The following UBAC2 variants were observed in gnomAD, a reference collection of about 807,000 sequenced individuals.
UBAC2 encodes the protein ubiquitin-associated domain-containing protein 2.
In UBAC2, 26 loss-of-function variants were observed where a neutral mutation model predicts 44.0. The ratio of observed to expected loss-of-function variants is 0.59; its 90% CI spans 0.43 to 0.82. UBAC2 has a LOEUF of 0.82. Ranked by LOEUF, UBAC2 falls within the 40% of genes least tolerant of loss-of-function variation. The probability of loss-of-function intolerance (pLI) is 0.00; values close to 1 mark genes in which losing one functional copy is unlikely to be tolerated. For missense variants in UBAC2, 329 were observed against 419.4 expected (o/e 0.78, Z 1.88); for synonymous variants, 155 against 154.3 (o/e 1.00, Z -0.04).
rs2044459052 is a variant in UBAC2, at chr13:99,314,355, C to G, written c.513+135C>G. ...ATAATCTTGGCTTCATGATCTATAT[C>G]AAATGTTTAAAGGAAGTGTTACAGA... On this transcript the variant is annotated intron_variant, in intron 5 of 8. Transcript: ENST00000403766. 6 of 1,029,820 alleles carry G rather than the reference C, an allele frequency of 5.8e-6. No individual in the cohort carries two copies. In the South Asian group the frequency reaches 1.2e-4, roughly 20 times the overall value. The allele number at this position is 1,029,820 out of a possible 1,614,324, so 63.8% of individuals were successfully genotyped here.
chr13:99,374,248 G>C (rs1340421784), intron 8 of UBAC2, among the ~76,000 whole-genome samples: 1 of 152,134 alleles, frequency 6.6e-6, no homozygotes, highest in Non-Finnish European at 1.5e-5. Context: ...AAGCAGAGGG[G>C]AGTTCCTTAT....
intron 1 of UBAC2, among the ~76,000 whole-genome samples, chr13:99,212,129 T>G (rs947016619): frequency 2.0e-5 from 3 of 152,242 alleles, no homozygotes; most frequent in African/African-American, 7.2e-5. Context: ...TTTTCCGTTC[T>G]CAACCTGTCT....
At chr13:99,337,437 A>AT (rs1318305245) in intron 6 of UBAC2, among the ~76,000 whole-genome samples, 4 of 151,180 alleles carry the variant, frequency 2.6e-5, no homozygotes, top group African/African-American at 9.7e-5. Flanking sequence ...CTAACAGTTT[A>AT]TTTTTTCTTT....
rs143074994 is a variant in UBAC2, at chr13:99,255,096, C to G, written c.389+10472C>G. 3,366 of 1,614,126 alleles carry G rather than the reference C, an allele frequency of 2.1e-3. 45 individuals carry two copies. The highest frequency in any genetic ancestry group is 0.019 in the South Asian group (1,702 of 91,080). On this transcript the variant is annotated intron_variant, in intron 4 of 8. Transcript: ENST00000403766. ...CCCAGGGATTGTAACTGTTCTCCCC[C>G]GTTCCCAGCATCAGGAAAGCGAAAC...
At chr13:99,250,071 C>T (rs1253889775) in intron 4 of UBAC2, among the ~76,000 whole-genome samples, 2 of 152,110 alleles carry the variant, frequency 1.3e-5, no homozygotes, top group African/African-American at 2.4e-5. Context: ...TTAAATGGGT[C>T]CCATTTGTCA....
intron 6 of UBAC2, among the ~76,000 whole-genome samples, chr13:99,326,337 T>G (rs2138795583): frequency 6.6e-6 from 1 of 152,328 alleles, no homozygotes; most frequent in East Asian, 1.9e-4. Context: ...TTTGTATGTC[T>G]TCTTTGGAGA....
intron 4 of UBAC2, among the ~76,000 whole-genome samples, chr13:99,276,994 A>G (rs2138676418): frequency 6.6e-6 from 1 of 152,274 alleles, no homozygotes; most frequent in Middle Eastern, 3.4e-3. Flanking sequence ...TCAAATGTTA[A>G]TCAGGTTGCC....
intron 6 of UBAC2, among the ~76,000 whole-genome samples, chr13:99,333,097 G>GA (rs1409203361): frequency 3.5e-5 from 3 of 86,644 alleles, no homozygotes; most frequent in South Asian, 2.8e-4. Context: ...CCCCGTCTCT[G>GA]GGGGGGGAAG....
intron 2 of UBAC2, among the ~76,000 whole-genome samples, chr13:99,239,182 T>C (rs1393359814): frequency 6.6e-6 from 1 of 152,254 alleles, no homozygotes; most frequent in Admixed American, 6.5e-5. Flanking sequence ...AATCCATTTC[T>C]TGAACACTGA....
intron 4 of UBAC2, among the ~76,000 whole-genome samples, chr13:99,278,875 C>T (rs996416255): frequency 1.3e-5 from 2 of 152,124 alleles, no homozygotes; most frequent in African/African-American, 2.4e-5. Flanking sequence ...AACCGCCATG[C>T]CTCCAAGTCA....
intron 6 of UBAC2, among the ~76,000 whole-genome samples, chr13:99,337,742 A>G (rs1594141130): frequency 6.6e-6 from 1 of 151,750 alleles, no homozygotes; most frequent in South Asian, 2.1e-4. Context: ...CCCAACCCAC[A>G]TGGACCCTCC....
At chr13:99,216,082 T>TTG (rs3031384) in intron 1 of UBAC2, among the ~76,000 whole-genome samples, 54,332 of 148,484 alleles carry the variant, frequency 0.37, 9,895 homozygotes, top group Middle Eastern at 0.55. Context: ...CAACCTATAT[T>TTG]TGTGTGTGTG....
At chr13:99,296,568 T>C (rs2044177124) in intron 4 of UBAC2, among the ~76,000 whole-genome samples, 1 of 152,228 alleles carries the variant, frequency 6.6e-6, no homozygotes, top group South Asian at 2.1e-4. Context: ...CATTAAGCTT[T>C]GCTTTTAAAT....
intron 8 of UBAC2, among the ~76,000 whole-genome samples, chr13:99,375,828 T>G (rs577065639): frequency 7.7e-6 from 1 of 129,824 alleles, no homozygotes. Flanking sequence ...TTTTGAGACA[T>G]GGTCTTGCTC....
intron 1 of UBAC2, among the ~76,000 whole-genome samples, chr13:99,222,914 G>T (rs531324711): frequency 6.6e-6 from 1 of 152,298 alleles, no homozygotes; most frequent in Non-Finnish European, 1.5e-5. Flanking sequence ...AACAGAGTTT[G>T]TATAGAATTG....
At chr13:99,262,561 G>A (rs2043679221) in intron 4 of UBAC2, among the ~76,000 whole-genome samples, 1 of 151,904 alleles carries the variant, frequency 6.6e-6, no homozygotes, top group African/African-American at 2.4e-5. Context: ...AAATTAGCTG[G>A]GCATGGTGGT....
At chr13:99,288,139 A>G (rs2044044223) in intron 4 of UBAC2, among the ~76,000 whole-genome samples, 2 of 152,220 alleles carry the variant, frequency 1.3e-5, no homozygotes, top group Admixed American at 6.5e-5. Context: ...TGTAGCCTCC[A>G]TGTAGTTTCA....
Position 99,340,372 on chromosome 13 carries a change from G to A in UBAC2, c.614G>A (p.Cys205Tyr), listed in dbSNP as rs373767362. 2.5e-6 allele frequency: 4 copies of A among 1,614,084 alleles called. No homozygotes were observed. The African/African-American group carries it at 4.0e-5, about 16-fold the overall frequency. ...ATGTTCCAGGTGCATCAGGTGCTCT[G>A]CATCCCCAGCTGGATGGCAAAATTC... Reference protein sequence around the residue: ...SKMFQVHQVLCIPSWMAKFFS... With the variant: ...SKMFQVHQVLYIPSWMAKFFS... Residue 205 changes from cysteine to tyrosine, a missense_variant, in exon 7 of 9, where the codon TGC (cysteine) becomes TAC (tyrosine). Cys to Tyr is a radical substitution (Grantham distance 194, BLOSUM62 -2). Coordinates refer to ENST00000403766, the MANE Select transcript of UBAC2 (RefSeq NM_001144072.2).
chr13:99,293,499 A>AAGT (rs1392801556), intron 4 of UBAC2, among the ~76,000 whole-genome samples: 1 of 152,178 alleles, frequency 6.6e-6, no homozygotes, highest in African/African-American at 2.4e-5. Context: ...ATGACTACCT[A>AAGT]AGTGCCAACT....
Sources: gnomAD v4.1 joint callset for allele counts (sites outside exome capture counted in the v4.1 genomes callset) on GRCh38, gnomAD v4.1.1 for gene constraint, MANE v1.5 for transcripts, NCBI Gene and HGNC (gene_info 2026-07-23, HGNC 2026-07-21) for gene names.